Variants in PDE10A observed in about 807,000 individuals in gnomAD.
The protein encoded by PDE10A is cAMP and cAMP-inhibited cGMP 3',5'-cyclic phosphodiesterase 10A.
A neutral mutation model predicts 97.7 loss-of-function variants in PDE10A; 39 were observed. The ratio of observed to expected loss-of-function variants is 0.40; its 90% CI spans 0.31 to 0.52. PDE10A has a LOEUF of 0.52. Among genes scored for constraint, PDE10A ranks in the 20% least tolerant of loss-of-function variants. PDE10A has a pLI of 0.56. For synonymous variants in PDE10A, 371 were observed against 376.8 expected (o/e 0.98, Z 0.18); for missense variants, 731 against 1,047.8 (o/e 0.70, Z 4.17).
At chr6:165,921,147 C>T (rs1037296528) in intron 1 of PDE10A, among the ~76,000 whole-genome samples, 6 of 152,190 alleles carry the variant, frequency 3.9e-5, no homozygotes, top group Non-Finnish European at 7.3e-5. Flanking sequence ...TTCCCCAGTG[C>T]CAGCCATACC....
At chr6:165,568,050 G>C (rs182418925) in intron 1 of PDE10A, among the ~76,000 whole-genome samples, 24 of 144,168 alleles carry the variant, frequency 1.7e-4, no homozygotes, top group Admixed American at 5.7e-4. Flanking sequence ...CCAGGCTGGA[G>C]TGCAGTGGCA....
intron 20 of PDE10A, 120 bp from the exon 21 acceptor site, chr6:165,336,331 T>C: frequency 1.0e-5 from 7 of 696,812 alleles, no homozygotes; most frequent in Non-Finnish European, 1.8e-5. Context: ...TTGCATGTTC[T>C]AGTTTTGCTG....
chr6:165,328,185 C>A lies in PDE10A; in HGVS notation c.*4840G>T, dbSNP rs1781150913. ...AACACATAGCATATACACCATACAACAGATCATATGGAAAATAATATTCCT... is the reference window on the plus strand; with the variant it reads ...AACACATAGCATATACACCATACAAAAGATCATATGGAAAATAATATTCCT... On this transcript the variant is annotated 3_prime_UTR_variant, in exon 22 of 22. Transcript: ENST00000539869. The A allele has an allele frequency of 6.6e-6, 1 of 152,088 alleles. No homozygotes were observed. The highest frequency in any genetic ancestry group is 2.4e-5 in the African/African-American group (1 of 41,396). 9.4% of individuals were successfully genotyped at this position (152,088 alleles called of 1,614,324 possible). A position where few individuals can be genotyped will look rare whatever the true frequency, so the allele number is the denominator to read the frequency against.
At chr6:165,725,956 G>T (rs183333591) in intron 1 of PDE10A, among the ~76,000 whole-genome samples, 45 of 152,310 alleles carry the variant, frequency 3.0e-4, no homozygotes, top group Non-Finnish European at 5.9e-4. Context: ...TTGGCGCAGT[G>T]CAGGACAGGA....
intron 1 of PDE10A, among the ~76,000 whole-genome samples, chr6:165,719,090 C>T (rs1792099616): frequency 6.6e-6 from 1 of 151,290 alleles, no homozygotes; most frequent in African/African-American, 2.4e-5. Flanking sequence ...GAAGAAATTC[C>T]CCAGAAAATA....
At chr6:165,951,979 A>G (rs2128495237) in intron 1 of PDE10A, among the ~76,000 whole-genome samples, 1 of 152,376 alleles carries the variant, frequency 6.6e-6, no homozygotes, top group Non-Finnish European at 1.5e-5. Context: ...TCATGAATTT[A>G]CTATGCCAGG....
At chr6:165,596,401 T>TTAGGAAG (rs894372226) in intron 1 of PDE10A, among the ~76,000 whole-genome samples, 3 of 152,140 alleles carry the variant, frequency 2.0e-5, no homozygotes, top group African/African-American at 4.8e-5. Context: ...CACAGTGATC[T>TTAGGAAG]TAGGAAGTCA....
intron 1 of PDE10A, among the ~76,000 whole-genome samples, chr6:165,956,716 G>T (rs1434396956): frequency 6.6e-6 from 1 of 152,234 alleles, no homozygotes; most frequent in Non-Finnish European, 1.5e-5. Context: ...CTGGTGAGCT[G>T]CGGGATTTCT....
At chr6:165,573,508 C>T (rs906343699) in intron 1 of PDE10A, among the ~76,000 whole-genome samples, 1 of 152,064 alleles carries the variant, frequency 6.6e-6, no homozygotes, top group Non-Finnish European at 1.5e-5. Flanking sequence ...GGTTCATTGT[C>T]CAAATACTGG....
chr6:165,371,457 C>A (rs994546599), intron 18 of PDE10A, among the ~76,000 whole-genome samples: 2 of 151,958 alleles, frequency 1.3e-5, no homozygotes, highest in Non-Finnish European at 2.9e-5. Flanking sequence ...CACCTCTACG[C>A]AAATAAACTA....
intron 1 of PDE10A, among the ~76,000 whole-genome samples, chr6:165,982,661 C>A (rs562860110): frequency 3.9e-5 from 6 of 151,978 alleles, no homozygotes; most frequent in Non-Finnish European, 7.4e-5. Context: ...AATACTAATT[C>A]TTTGAAAAAA....
At chr6:165,624,325 C>T (rs886451788) in intron 1 of PDE10A, among the ~76,000 whole-genome samples, 6 of 152,168 alleles carry the variant, frequency 3.9e-5, no homozygotes, top group African/African-American at 1.4e-4. Context: ...ATGTCATTCC[C>T]CGATTCAAAA....
At chr6:165,874,244 T>C (rs1562777138) in intron 1 of PDE10A, among the ~76,000 whole-genome samples, 1 of 152,220 alleles carries the variant, frequency 6.6e-6, no homozygotes, top group South Asian at 2.1e-4. Context: ...ACCCTGTTTT[T>C]CAAATGTGGA....
At chr6:165,351,705 G>A (rs1782705373) in intron 18 of PDE10A, among the ~76,000 whole-genome samples, 1 of 152,160 alleles carries the variant, frequency 6.6e-6, no homozygotes, top group South Asian at 2.1e-4. Context: ...TTATGTTCAA[G>A]CCAATACAGT....
intron 1 of PDE10A, among the ~76,000 whole-genome samples, chr6:165,864,411 C>T (rs1310643770): frequency 6.6e-6 from 1 of 152,198 alleles, no homozygotes; most frequent in Admixed American, 6.5e-5. Flanking sequence ...GATCTATCCT[C>T]CTCTCTCTCC....
intron 1 of PDE10A, among the ~76,000 whole-genome samples, chr6:165,782,166 T>A (rs1562734034): frequency 6.6e-6 from 1 of 152,242 alleles, no homozygotes. Context: ...CAAAATCTAA[T>A]CACAAAGTTA....
chr6:165,884,239 G>C (rs960992763), intron 1 of PDE10A, among the ~76,000 whole-genome samples: 3 of 152,220 alleles, frequency 2.0e-5, no homozygotes, highest in African/African-American at 7.2e-5. Context: ...GCAAGGGTGG[G>C]GGACAGGAAG....
At chr6:165,417,586 T>G (rs1788408407) in intron 11 of PDE10A, among the ~76,000 whole-genome samples, 1 of 152,200 alleles carries the variant, frequency 6.6e-6, no homozygotes, top group Non-Finnish European at 1.5e-5. Flanking sequence ...AGAAATGACT[T>G]ATCTAAATGA....
At position 165,823,084 on chromosome 6, in the gene PDE10A, G is replaced by A. The variant is rs1294205204; in HGVS notation, c.-615+164445C>T. ...CCTGACCTCGTGATCCACCCGCCTC[G>A]TCCTCCCAAAGTGCTGGGATTACAG... On this transcript the variant is annotated intron_variant, in intron 1 of 19. Coordinates refer to the PDE10A transcript ENST00000366882. Among the ~76,000 whole-genome samples the A allele has an allele frequency of 5.3e-5, 8 of 151,536 alleles. No homozygotes were observed. The East Asian group carries it at 7.8e-4, about 15-fold the overall frequency.
Sources: allele counts gnomAD v4.1 joint callset (sites outside exome capture counted in the v4.1 genomes callset), GRCh38; gene constraint gnomAD v4.1.1; transcripts MANE v1.5; gene names NCBI Gene and HGNC (gene_info 2026-07-23, HGNC 2026-07-21).